Variants in CHSY3 observed in about 807,000 individuals in gnomAD.
CHSY3 encodes the protein chondroitin sulfate synthase 3.
In CHSY3, 35 loss-of-function variants were observed where a neutral mutation model predicts 67.2. The ratio of observed to expected loss-of-function variants is 0.52; its 90% CI spans 0.40 to 0.69. The LOEUF (loss-of-function observed/expected upper bound fraction) is 0.69, where lower values mean the gene tolerates loss of function less well. CHSY3 is among the 30% of genes least tolerant of loss of function. The pLI is 0.00. For missense variants in CHSY3, 1,069 were observed against 1,138.5 expected, an observed-to-expected ratio of 0.94 and a Z score of 0.88; for synonymous variants, 474 against 434.7, an observed-to-expected ratio of 1.09 and a Z score of -1.12.
chr5:130,133,920 T>C (rs1768575328), intron 2 of CHSY3, among the ~76,000 whole-genome samples: 1 of 152,104 alleles, frequency 6.6e-6, no homozygotes, highest in Non-Finnish European at 1.5e-5. Context: ...TTAACTCTAA[T>C]TTTTTATTTT....
At chr5:129,945,659 A>G (rs1442246890) in intron 2 of CHSY3, among the ~76,000 whole-genome samples, 1 of 152,154 alleles carries the variant, frequency 6.6e-6, no homozygotes, top group Non-Finnish European at 1.5e-5. Context: ...TTCGGACAGT[A>G]TGGAAGGAGA....
chr5:130,163,265 GA>G (rs1268258951), intron 2 of CHSY3, among the ~76,000 whole-genome samples: 6 of 152,226 alleles, frequency 3.9e-5, no homozygotes, highest in Middle Eastern at 3.4e-3. Flanking sequence ...AGAATGAAAT[GA>G]AACATATTTT....
intron 2 of CHSY3, among the ~76,000 whole-genome samples, chr5:130,159,217 G>T (rs1346977599): frequency 7.5e-6 from 1 of 132,806 alleles, no homozygotes; most frequent in African/African-American, 2.9e-5. Context: ...AGGCTAGAGT[G>T]CAGTGGCACA....
At chr5:130,178,413 T>C (rs1021515706) in intron 2 of CHSY3, among the ~76,000 whole-genome samples, 48 of 150,916 alleles carry the variant, frequency 3.2e-4, no homozygotes, top group Non-Finnish European at 4.4e-5. Flanking sequence ...CCACCACGCC[T>C]GGCTAATTTT....
At chr5:130,073,503 G>C in intron 2 of CHSY3, among the ~76,000 whole-genome samples, 1 of 151,944 alleles carries the variant, frequency 6.6e-6, no homozygotes, top group East Asian at 1.9e-4. Context: ...GGCCAGGCTG[G>C]TCTTGAACAC....
intron 2 of CHSY3, among the ~76,000 whole-genome samples, chr5:130,078,433 C>T (rs1351899154): frequency 1.3e-5 from 2 of 152,004 alleles, no homozygotes; most frequent in African/African-American, 2.4e-5. Flanking sequence ...AAGCAGCTGC[C>T]CCATCTTGCT....
chr5:130,097,512 A>G (rs1009849617), intron 2 of CHSY3, among the ~76,000 whole-genome samples: 3 of 152,250 alleles, frequency 2.0e-5, no homozygotes, highest in Admixed American at 6.5e-5. Context: ...GTGCTACTGC[A>G]GGATTCCACT....
chr5:130,161,562 T>A (rs1309105255), intron 2 of CHSY3, among the ~76,000 whole-genome samples: 1 of 152,216 alleles, frequency 6.6e-6, no homozygotes, highest in African/African-American at 2.4e-5. Flanking sequence ...AGGAATTATA[T>A]TCTCATTCAG....
chr5:130,162,957 T>C (rs1413268963), intron 2 of CHSY3, among the ~76,000 whole-genome samples: 1 of 152,108 alleles, frequency 6.6e-6, no homozygotes, highest in East Asian at 1.9e-4. Context: ...TCCAAGTTTA[T>C]TTGTCACCAA....
chr5:130,090,435 C>G (rs1024542039), intron 2 of CHSY3, among the ~76,000 whole-genome samples: 2 of 152,158 alleles, frequency 1.3e-5, no homozygotes, highest in South Asian at 2.1e-4. Context: ...AGTCACTTCT[C>G]CAGTCCACAT....
intron 2 of CHSY3, among the ~76,000 whole-genome samples, chr5:129,923,490 A>G (rs1760990160): frequency 6.6e-6 from 1 of 152,134 alleles, no homozygotes; most frequent in South Asian, 2.1e-4. Context: ...AAAAAAATAG[A>G]CAAACTTCCC....
chr5:130,007,430 C>T (rs1281248159), intron 2 of CHSY3, among the ~76,000 whole-genome samples: 4 of 152,106 alleles, frequency 2.6e-5, no homozygotes, highest in East Asian at 1.9e-4. Flanking sequence ...GGAGGAAGGA[C>T]TCAGATCCTG....
intron 2 of CHSY3, among the ~76,000 whole-genome samples, chr5:130,050,192 G>A (rs1311462368): frequency 6.6e-6 from 1 of 152,018 alleles, no homozygotes; most frequent in Non-Finnish European, 1.5e-5. Context: ...TTTGACTAGT[G>A]CATTCTGTTC....
At chr5:129,994,033 A>G (rs1763453123) in intron 2 of CHSY3, among the ~76,000 whole-genome samples, 2 of 152,184 alleles carry the variant, frequency 1.3e-5, no homozygotes, top group South Asian at 4.1e-4. Context: ...AATGTTGAAT[A>G]TTGGCCCCCA....
intron 2 of CHSY3, among the ~76,000 whole-genome samples, chr5:130,143,313 A>C (rs1768930082): frequency 6.6e-6 from 1 of 152,104 alleles, no homozygotes; most frequent in African/African-American, 2.4e-5. Context: ...ATAATATTGA[A>C]TTTACTAGGA....
chr5:129,974,849 G>T (rs879510591), intron 2 of CHSY3: 1 of 152,146 alleles, frequency 6.6e-6, no homozygotes, highest in Non-Finnish European at 1.5e-5. Context: ...GTAAGCTATA[G>T]TGTAGAGAAG....
chr5:130,115,235 T>C (rs892069987), intron 2 of CHSY3, among the ~76,000 whole-genome samples: 8 of 151,926 alleles, frequency 5.3e-5, no homozygotes, highest in African/African-American at 1.7e-4. Context: ...AGTTCTTTTT[T>C]CCCCCCATTT....
intron 2 of CHSY3, among the ~76,000 whole-genome samples, chr5:129,946,581 C>G (rs1430987104): frequency 6.6e-6 from 1 of 152,080 alleles, no homozygotes; most frequent in East Asian, 1.9e-4. Flanking sequence ...AAGGTTTATA[C>G]CCTTTGACCA....
Position 129,905,369 on chromosome 5 carries a change from G to C in CHSY3, c.540G>C (p.Ala180=). 6.3e-7 allele frequency: 1 copy of C among 1,585,484 alleles called. No individual in the cohort carries two copies. The highest frequency in any genetic ancestry group is 8.6e-7 in the Non-Finnish European group (1 of 1,168,664). ...RDFLYVGVMT[A]QKYLGSRALA... Reference sequence around the variant, plus strand: ...TCCTGTACGTGGGGGTGATGACCGCGCAGAAGTACCTGGGCAGCCGCGCGC... The same window carrying C: ...TCCTGTACGTGGGGGTGATGACCGCCCAGAAGTACCTGGGCAGCCGCGCGC... The change falls in exon 1 of 3, where the codon GCG becomes GCC. Residue 180 remains alanine (A), a synonymous_variant. Transcript: ENST00000305031.
Sources: gnomAD v4.1 joint callset for allele counts (sites outside exome capture counted in the v4.1 genomes callset) on GRCh38, gnomAD v4.1.1 for gene constraint, MANE v1.5 for transcripts, NCBI Gene and HGNC (gene_info 2026-07-23, HGNC 2026-07-21) for gene names.